ICA1L: variants seen among roughly 807,000 people sequenced by gnomAD.
ICA1L encodes the protein islet cell autoantigen 1-like protein.
Under a neutral mutation model 61.3 loss-of-function variants are expected in ICA1L, and 50 were observed. The observed-to-expected ratio is 0.82, with a 90% CI of 0.65 to 1.03. The LOEUF (loss-of-function observed/expected upper bound fraction) is 1.03, where lower values mean the gene tolerates loss of function less well. Ranked by LOEUF, ICA1L falls within the 50% of genes least tolerant of loss-of-function variation. ICA1L has a pLI of 0.00. For missense variants in ICA1L, 508 were observed against 556.7 expected, an observed-to-expected ratio of 0.91 and a Z score of 0.88; for synonymous variants, 161 against 191.3, an observed-to-expected ratio of 0.84 and a Z score of 1.31.
At chr2:202,820,158 G>A (rs1574352779) in intron 4 of ICA1L, 2 of 397,948 alleles carry the variant, frequency 5.0e-6, no homozygotes, top group East Asian at 5.2e-5. Flanking sequence ...CAGATCGCCT[G>A]AGGTCAGGAG....
rs1450801727 is a variant in ICA1L, at chr2:202,775,393, GTC to G, written c.*4138_*4139del. ...CTATGGCTTATATTTAATTGTTTGT[GTC>G]TAGGCTCAGATTTTTGATATTTGTT... On this transcript the variant is annotated 3_prime_UTR_variant, in exon 13 of 13. Transcript: ENST00000358299. The G allele has an allele frequency of 6.6e-6, 1 of 152,158 alleles. No homozygotes were observed. Among genetic ancestry groups the G allele is most frequent in the Non-Finnish European group, 1.5e-5 (1 of 68,020 alleles). The allele number at this position is 152,158 out of a possible 1,614,324, so 9.4% of individuals were successfully genotyped here.
intron 1 of ICA1L, among the ~76,000 whole-genome samples, chr2:202,833,078 T>C (rs1694056661): frequency 6.7e-6 from 1 of 148,644 alleles, no homozygotes; most frequent in South Asian, 2.1e-4. Context: ...CTTAAATCTA[T>C]ATAGGGAAAA....
intron 1 of ICA1L, chr2:202,840,812 A>G: frequency 1.6e-6 from 1 of 609,870 alleles, no homozygotes; most frequent in Admixed American, 2.0e-5. Flanking sequence ...CTGGCCTTTG[A>G]GGCCCTCAAT....
rs1694326583 is a variant in ICA1L, at chr2:202,841,438, T to A, written c.-7-12422A>T. ...CCACTTGGTCTCCAGCATCTTGTTC[T>A]GCTGCTCCAGGAATTGTACCTTGTC... On this transcript the variant is annotated intron_variant, in intron 1 of 12. Coordinates refer to ENST00000358299, the MANE Select transcript of ICA1L (RefSeq NM_001288622.3). The A allele has an allele frequency of 5.1e-6, 6 of 1,188,062 alleles. No individual in the cohort carries two copies. The South Asian group carries it at 7.2e-5, about 14-fold the overall frequency. The allele number at this position is 1,188,062 out of a possible 1,614,324, so 73.6% of individuals were successfully genotyped here. A position where few individuals can be genotyped will look rare whatever the true frequency, so the allele number is the denominator to read the frequency against.
chr2:202,869,251 C>T (rs940082600), intron 1 of ICA1L, among the ~76,000 whole-genome samples: 6 of 150,614 alleles, frequency 4.0e-5, no homozygotes, highest in Middle Eastern at 3.5e-3. Flanking sequence ...CCAGCTACTC[C>T]GGAGGCTGAG....
intron 9 of ICA1L, among the ~76,000 whole-genome samples, chr2:202,797,291 A>G (rs1473656915): frequency 6.6e-6 from 1 of 152,038 alleles, no homozygotes; most frequent in African/African-American, 2.4e-5. Flanking sequence ...TTCTCATTCT[A>G]GGTCATTTTA....
intron 9 of ICA1L, 123 bp downstream of exon 9, chr2:202,811,623 C>A: frequency 3.1e-6 from 2 of 651,598 alleles, no homozygotes; most frequent in Non-Finnish European, 5.2e-6. Flanking sequence ...GATCACGCAA[C>A]TGCACTCCAG....
At chr2:202,782,003 G>A (rs1233956839) in intron 12 of ICA1L, among the ~76,000 whole-genome samples, 1 of 152,158 alleles carries the variant, frequency 6.6e-6, no homozygotes, top group East Asian at 1.9e-4. Context: ...CTTCCTTAAT[G>A]ACTAATGAAG....
At chr2:202,790,589 C>T (rs1292637437) in intron 10 of ICA1L, among the ~76,000 whole-genome samples, 1 of 152,162 alleles carries the variant, frequency 6.6e-6, no homozygotes, top group Non-Finnish European at 1.5e-5. Flanking sequence ...CAGCATTTCA[C>T]ATCCCGTCCC....
intron 1 of ICA1L, among the ~76,000 whole-genome samples, chr2:202,848,990 A>G (rs1201955268): frequency 2.0e-5 from 3 of 152,052 alleles, no homozygotes; most frequent in Non-Finnish European, 4.4e-5. Flanking sequence ...ACGGAGGGCA[A>G]GCAGAAGCAG....
In ICA1L at chr2:202,819,690, C is replaced by A. The variant is rs781474166; in HGVS notation, c.558+11G>T. 6.3e-7 allele frequency: 1 copy of A among 1,594,776 alleles called. No homozygotes were observed. Among genetic ancestry groups the A allele is most frequent in the Non-Finnish European group, 8.6e-7 (1 of 1,162,574 alleles). The stretch of plus-strand genomic sequence containing the variant: ...ATACACCAAGAAAAGGAAAGGGATA[C>A]GTTTTCATACTTTTCTAAACTTTTC... On this transcript the variant is annotated intron_variant, in intron 5 of 12. Transcript: ENST00000358299.
intron 1 of ICA1L, among the ~76,000 whole-genome samples, chr2:202,857,455 C>T (rs555720996): frequency 1.3e-5 from 2 of 152,102 alleles, no homozygotes; most frequent in African/African-American, 2.4e-5. Context: ...CCCTTCCTCA[C>T]ACCTTATATA....
At chr2:202,866,260 T>C (rs550938197) in intron 1 of ICA1L, among the ~76,000 whole-genome samples, 13 of 152,304 alleles carry the variant, frequency 8.5e-5, no homozygotes, top group African/African-American at 2.9e-4. Context: ...TCTAAGTTCA[T>C]GTGAGAGCTG....
At chr2:202,799,885 T>G (rs1328034548) in intron 9 of ICA1L, among the ~76,000 whole-genome samples, 1 of 151,170 alleles carries the variant, frequency 6.6e-6, no homozygotes, top group African/African-American at 2.4e-5. Context: ...ATACTTTTTT[T>G]TTTTTTTTTT....
At chr2:202,854,412 A>G (rs974586794) in intron 1 of ICA1L, among the ~76,000 whole-genome samples, 1 of 152,170 alleles carries the variant, frequency 6.6e-6, no homozygotes, top group African/African-American at 2.4e-5. Flanking sequence ...GAGACCTACA[A>G]AAAGACTTAG....
intron 1 of ICA1L, among the ~76,000 whole-genome samples, chr2:202,847,713 A>ATATATATATATATATATATATATATAT (rs1242055604): frequency 2.6e-4 from 39 of 147,418 alleles, no homozygotes; most frequent in African/African-American, 4.8e-4. Context: ...ATATATAGTT[A>ATATATATATATATATATATATATATAT]AGCAGTGAGA....
chr2:202,866,680 G>T (rs1687523899), intron 1 of ICA1L, among the ~76,000 whole-genome samples: 1 of 152,208 alleles, frequency 6.6e-6, no homozygotes, highest in African/African-American at 2.4e-5. Context: ...AGGCGCGGTA[G>T]CTCACGCCTG....
intron 1 of ICA1L, among the ~76,000 whole-genome samples, chr2:202,830,933 C>A (rs187637771): frequency 6.3e-4 from 96 of 152,040 alleles, no homozygotes; most frequent in Non-Finnish European, 1.2e-3. Flanking sequence ...AAACAAAAAT[C>A]GAAATCCAAC....
chr2:202,806,539 G>A (rs1459381536), intron 9 of ICA1L, among the ~76,000 whole-genome samples: 5 of 151,774 alleles, frequency 3.3e-5, no homozygotes, highest in Non-Finnish European at 4.4e-5. Flanking sequence ...CCAGCTACTC[G>A]GGAGGCTGAG....
Sources: gnomAD v4.1 joint callset for allele counts (sites outside exome capture counted in the v4.1 genomes callset) on GRCh38, gnomAD v4.1.1 for gene constraint, MANE v1.5 for transcripts, NCBI Gene and HGNC (gene_info 2026-07-23, HGNC 2026-07-21) for gene names.